IDI1: variants seen among roughly 807,000 people sequenced by gnomAD.
IDI1 encodes isopentenyl-diphosphate delta isomerase 1, also known as isopentenyl-diphosphate Delta-isomerase 1.
In IDI1, 23 loss-of-function variants were observed where a neutral mutation model predicts 32.9. The ratio of observed to expected loss-of-function variants is 0.70; its 90% confidence interval spans 0.50 to 0.99. IDI1 has a LOEUF of 0.99. Ranked by LOEUF, IDI1 falls within the 50% of genes least tolerant of loss-of-function variation. The probability of loss-of-function intolerance (pLI) is 0.00; values close to 1 mark genes in which losing one functional copy is unlikely to be tolerated. For missense variants in IDI1, 326 were observed against 351.9 expected, an observed-to-expected ratio of 0.93 and a Z score of 0.59; for synonymous variants, 133 against 128.2, an observed-to-expected ratio of 1.04 and a Z score of -0.25.
chr10:1,041,093 A>G lies in IDI1; in HGVS notation c.*94T>C. 1 of 711,934 alleles carries G rather than the reference A, an allele frequency of 1.4e-6. No homozygotes were observed. The highest frequency in any genetic ancestry group is 2.3e-6 in the Non-Finnish European group (1 of 434,648). 44.1% of individuals were successfully genotyped at this position (711,934 alleles called of 1,614,324 possible). A position where few individuals can be genotyped will look rare whatever the true frequency, so the allele number is the denominator to read the frequency against. On this transcript the variant is annotated 3_prime_UTR_variant, in exon 5 of 5. Transcript: ENST00000381344. ...GTACCAAATGATAGAACTAAATTTA[A>G]TGATAAATTAATGATAGAACTAAAT...
In IDI1 at chr10:1,044,171, A is replaced by T. The variant is rs1434441946; in HGVS notation, c.141T>A (p.Ser47Arg). ...CAAAATGTCTGATCTGTTCTAGAAC[A>T]CTAATATTAAAGGAAAAGAGAAAGA... Reference protein sequence around the residue: ...PAVVCGRRLISVLEQIRHFVM... With the variant: ...PAVVCGRRLIRVLEQIRHFVM... Residue 47 changes from serine (S) to arginine (R), a missense_variant and splice_region_variant, in exon 2 of 5, where the codon AGT becomes AGA. Ser to Arg is a moderately radical substitution (Grantham distance 110). This residue lies in a region of IDI1 where 121 missense variants were observed against 78.4 expected (regional missense o/e 1.54). Transcript: ENST00000381344. 6.3e-7 allele frequency: 1 copy of T among 1,592,708 alleles called. No individual in the cohort carries two copies. The highest frequency in any genetic ancestry group is 8.5e-7 in the Non-Finnish European group (1 of 1,169,746).
At chr10:1,047,684 G>A (rs1006256576) in intron 1 of IDI1, among the ~76,000 whole-genome samples, 3 of 152,270 alleles carry the variant, frequency 2.0e-5, no homozygotes, top group Non-Finnish European at 2.9e-5. Context: ...CTGCGTCAGC[G>A]CACTCTGCTT....
At chr10:1,045,971 T>G (rs997597561) in intron 1 of IDI1, among the ~76,000 whole-genome samples, 1 of 152,104 alleles carries the variant, frequency 6.6e-6, no homozygotes, top group Non-Finnish European at 1.5e-5. Context: ...GGTTAATGAT[T>G]AAAACAAATC....
In IDI1 at chr10:1,043,980, G is replaced by A; in HGVS notation, c.313+19C>T. Reference sequence around the variant, plus strand: ...CCTACACAAATCGCTTTACAAGAAAGACTGTTTCAAAGCAGCACCTTTCTC... The same window carrying A: ...CCTACACAAATCGCTTTACAAGAAAAACTGTTTCAAAGCAGCACCTTTCTC... On this transcript the variant is annotated intron_variant, in intron 2 of 4. Transcript: ENST00000381344. 1 of 1,602,440 alleles carries A rather than the reference G, an allele frequency of 6.2e-7. No homozygotes were observed. Among genetic ancestry groups the A allele is most frequent in the Non-Finnish European group, 8.5e-7 (1 of 1,174,056 alleles).
At chr10:1,043,733 T>TCC in intron 2 of IDI1, 1 of 656,150 alleles carries the variant, frequency 1.5e-6, no homozygotes, top group Non-Finnish European at 2.8e-6. Flanking sequence ...GAGGCTAGGC[T>TCC]GCTGCTGTAT....
At chr10:1,050,635 T>C (rs1832983805), upstream of IDI1, among the ~76,000 whole-genome samples, 1 of 152,214 alleles carries the variant, frequency 6.6e-6, no homozygotes, top group Non-Finnish European at 1.5e-5. Context: ...CTGAAGCCTG[T>C]TTCAGTAGCT....
In IDI1 at chr10:1,041,340, T is replaced by TTC; in HGVS notation, c.700_701dup (p.Glu235LysfsTer3). On this transcript the variant is annotated frameshift_variant, in exon 5 of 5. Coordinates refer to ENST00000381344, the MANE Select transcript of IDI1 (RefSeq NM_004508.4). LOFTEE classifies it high-confidence loss of function. ...CTTTTTTCAGAAGTTCTTTTAGTTC[T>TTC]TCCTTTGACACATAACAATAGCTTT... The TTC allele has an allele frequency of 6.2e-7, 1 of 1,613,924 alleles. No homozygotes were observed.
upstream of IDI1, chr10:1,049,570 G>C (rs529387876): frequency 3.3e-5 from 5 of 153,568 alleles, no homozygotes; most frequent in African/African-American, 1.2e-4. Flanking sequence ...GTCTGCGACC[G>C]GGACCAAGGC....
At chr10:1,056,108 TG>T in the IDI1 span, among the ~76,000 whole-genome samples, 1 of 152,134 alleles carries the variant, frequency 6.6e-6, no homozygotes, top group Non-Finnish European at 1.5e-5. Context: ...CGCCTGGCCT[TG>T]AGCTTCCTTT....
At position 1,042,856 on chromosome 10, in the gene IDI1, G is replaced by T. The variant is rs114886926; in HGVS notation, c.407-94C>A. On this transcript the variant is annotated intron_variant, in intron 3 of 4. Coordinates refer to ENST00000381344, the MANE Select transcript of IDI1 (RefSeq NM_004508.4). ...TTTATAAGTAACTGAAAAATGAAAT[G>T]ATTTTTAAGGATTTTAAAATCAGTT... 2,855 of 1,089,824 alleles carry T rather than the reference G, an allele frequency of 2.6e-3. 61 individuals carry two copies. In the African/African-American group the frequency reaches 0.041, roughly 16 times the overall value. 67.5% of individuals were successfully genotyped at this position (1,089,824 alleles called of 1,614,324 possible). A position where few individuals can be genotyped will look rare whatever the true frequency, so the allele number is the denominator to read the frequency against.
At chr10:1,052,125 C>T (rs1833029598), upstream of IDI1, among the ~76,000 whole-genome samples, 1 of 152,150 alleles carries the variant, frequency 6.6e-6, no homozygotes, top group African/African-American at 2.4e-5. Context: ...CCCACCTTGG[C>T]CTCTCAAAAT....
intron 2 of IDI1, 82 bp from the exon 3 acceptor site, chr10:1,043,475 A>G (rs1832685134): frequency 1.2e-6 from 1 of 845,660 alleles, no homozygotes; most frequent in Non-Finnish European, 2.1e-6. Context: ...TCAGAATAAC[A>G]TTAGTAACTT....
rs1832544511 is a variant in IDI1 at position 1,040,769 on chromosome 10, A to G, written c.*418T>C. The G allele has an allele frequency of 6.3e-6, 1 of 158,296 alleles. No homozygotes were observed. The highest frequency in any genetic ancestry group is 1.4e-5 in the Non-Finnish European group (1 of 71,866). 9.8% of individuals were successfully genotyped at this position (158,296 alleles called of 1,614,324 possible). The stretch of plus-strand genomic sequence containing the variant: ...TTTCCTTTGCACATTTTTCTGAACT[A>G]TGAGAAAAATTTAATGATACATAAA... On this transcript the variant is annotated 3_prime_UTR_variant, in exon 5 of 5. Coordinates refer to ENST00000381344, the MANE Select transcript of IDI1 (RefSeq NM_004508.4).
chr10:1,048,854 TC>T lies in IDI1; in HGVS notation c.140+9del, dbSNP rs1832889100. The T allele has an allele frequency of 2.5e-6, 4 of 1,604,076 alleles. No homozygotes were observed. Among genetic ancestry groups the T allele is most frequent in the Non-Finnish European group, 3.4e-6 (4 of 1,176,634 alleles). Reference sequence around the variant, plus strand: ...CCTGTCTCCCGAACTCCGCCGCCCGTCCACAGTACCTGATCAGCCTCCGGCC... The same window carrying T: ...CCTGTCTCCCGAACTCCGCCGCCCGTCACAGTACCTGATCAGCCTCCGGCC... On this transcript the variant is annotated intron_variant, in intron 1 of 4. Coordinates refer to ENST00000381344, the MANE Select transcript of IDI1 (RefSeq NM_004508.4).
At chr10:1,055,442 G>A in the IDI1 span, among the ~76,000 whole-genome samples, 1 of 151,882 alleles carries the variant, frequency 6.6e-6, no homozygotes, top group African/African-American at 2.4e-5. Context: ...ACTGTGGTGC[G>A]GTCCAGAAAA....
intron 1 of IDI1, chr10:1,048,556 C>T: frequency 3.0e-6 from 4 of 1,329,074 alleles, no homozygotes; most frequent in Non-Finnish European, 2.9e-6. Context: ...GTTTCCAGTT[C>T]CACGAGTTCC....
chr10:1,041,876 G>C (rs2448557), intron 4 of IDI1, among the ~76,000 whole-genome samples: 2 of 150,426 alleles, frequency 1.3e-5, no homozygotes, highest in African/African-American at 2.4e-5. Flanking sequence ...TGTGATCTCA[G>C]CTCACTGCAA....
chr10:1,051,624 A>G (rs982564016), upstream of IDI1, among the ~76,000 whole-genome samples: 7 of 152,206 alleles, frequency 4.6e-5, no homozygotes, highest in African/African-American at 7.2e-5. Flanking sequence ...ATTTTGTTAT[A>G]GAGAATATTA....
upstream of IDI1, among the ~76,000 whole-genome samples, chr10:1,052,560 C>T (rs1269431173): frequency 1.3e-5 from 2 of 152,170 alleles, no homozygotes; most frequent in African/African-American, 4.8e-5. Flanking sequence ...AACAGGAGCA[C>T]TGTAAATCAG....
Sources: gnomAD v4.1 joint callset for allele counts (sites outside exome capture counted in the v4.1 genomes callset) on GRCh38, gnomAD v4.1.1 for gene constraint, gnomAD v4.1.1 regional missense constraint, MANE v1.5 for transcripts, NCBI Gene and HGNC (gene_info 2026-07-23, HGNC 2026-07-21) for gene names.